CREB5: variants seen among roughly 807,000 people sequenced by gnomAD.
CREB5 encodes the protein cyclic AMP-responsive element-binding protein 5.
CREB5 carries 19 observed loss-of-function variants against 57.1 expected under a neutral mutation model. The observed-to-expected ratio is 0.33, with a 90% CI of 0.23 to 0.49. The LOEUF (loss-of-function observed/expected upper bound fraction) is 0.49, where lower values mean the gene tolerates loss of function less well. Ranked by LOEUF, CREB5 falls within the 20% of genes least tolerant of loss-of-function variation. The pLI is 0.99. For missense variants in CREB5, 579 were observed against 671.6 expected, an observed-to-expected ratio of 0.86 and a Z score of 1.52; for synonymous variants, 238 against 238.3, an observed-to-expected ratio of 1.00 and a Z score of 0.01.
intron 4 of CREB5, among the ~76,000 whole-genome samples, chr7:28,560,898 G>GCGCGTGCA (rs1491568528): frequency 6.1e-4 from 18 of 29,370 alleles, no homozygotes; most frequent in African/African-American, 2.3e-3. Flanking sequence ...GTGTGTGTGC[G>GCGCGTGCA]TGCGCGCGTG....
chr7:28,560,218 A>G (rs1451165801), intron 4 of CREB5, among the ~76,000 whole-genome samples: 1 of 152,224 alleles, frequency 6.6e-6, no homozygotes, highest in Non-Finnish European at 1.5e-5. Flanking sequence ...AGCTAGGCAG[A>G]GAGAAGGAGA....
At chr7:28,615,153 G>A (rs913620916) in intron 5 of CREB5, 3 of 152,304 alleles carry the variant, frequency 2.0e-5, no homozygotes, top group African/African-American at 4.8e-5. Flanking sequence ...TGAGTCTTTA[G>A]GAGTTGGTCA....
intron 1 of CREB5, among the ~76,000 whole-genome samples, chr7:28,348,408 T>TCTCTCACACACACACA (rs1376338798): frequency 1.4e-3 from 165 of 118,238 alleles, no homozygotes; most frequent in African/African-American, 4.9e-3. Flanking sequence ...TCTCTCTCTC[T>TCTCTCACACACACACA]CACACACACA....
Position 28,620,715 on chromosome 7 carries a change from C to T in CREB5, c.464+50178C>T, listed in dbSNP as rs145670486. Among the ~76,000 whole-genome samples, 21 of 152,232 alleles carry T rather than the reference C, an allele frequency of 1.4e-4. No individual in the cohort carries two copies. The South Asian group carries it at 3.9e-3, about 29-fold the overall frequency. ...AGAGCCGCTACGGTCAAAGAGGAGG[C>T]GGCCACGAATTGACCTGAATTCAGT... On this transcript the variant is annotated intron_variant, in intron 5 of 10. Coordinates refer to ENST00000357727, the MANE Select transcript of CREB5 (RefSeq NM_182898.4).
At chr7:28,729,146 G>A (rs576113644) in intron 7 of CREB5, among the ~76,000 whole-genome samples, 1 of 152,308 alleles carries the variant, frequency 6.6e-6, no homozygotes, top group Non-Finnish European at 1.5e-5. Flanking sequence ...CTAAAAGGAT[G>A]AGAAAGACAA....
chr7:28,349,530 T>A (rs187587282), intron 1 of CREB5, among the ~76,000 whole-genome samples: 1 of 152,004 alleles, frequency 6.6e-6, no homozygotes, highest in Non-Finnish European at 1.5e-5. Flanking sequence ...TAGGGAGGTG[T>A]GAAATTTCAT....
intron 1 of CREB5, among the ~76,000 whole-genome samples, chr7:28,362,233 A>C (rs796536261): frequency 9.8e-5 from 15 of 152,334 alleles, no homozygotes; most frequent in African/African-American, 3.6e-4. Flanking sequence ...CCATCTGGGA[A>C]TAGTCCAGCC....
At chr7:28,798,489 CTT>C (rs1406474067) in intron 7 of CREB5, among the ~76,000 whole-genome samples, 1 of 152,192 alleles carries the variant, frequency 6.6e-6, no homozygotes, top group Non-Finnish European at 1.5e-5. Context: ...ATGATGCAAA[CTT>C]GAGCTAAACG....
intron 2 of CREB5, among the ~76,000 whole-genome samples, chr7:28,489,523 G>A (rs1315460276): frequency 6.6e-6 from 1 of 151,864 alleles, no homozygotes; most frequent in Non-Finnish European, 1.5e-5. Flanking sequence ...GTATGGTCTC[G>A]ATCTCCTGAC....
At chr7:28,559,744 A>G (rs1004002328) in intron 4 of CREB5, among the ~76,000 whole-genome samples, 4 of 152,232 alleles carry the variant, frequency 2.6e-5, no homozygotes, top group African/African-American at 4.8e-5. Flanking sequence ...TCATTTATCT[A>G]TCCAACCAAT....
At chr7:28,355,588 T>C (rs1786323386) in intron 1 of CREB5, among the ~76,000 whole-genome samples, 1 of 152,160 alleles carries the variant, frequency 6.6e-6, no homozygotes, top group Admixed American at 6.5e-5. Flanking sequence ...AGCCCTTTTA[T>C]TGAAATTCTA....
In CREB5 at chr7:28,486,117, G is replaced by A. The variant is rs192625658; in HGVS notation, c.4-2058G>A. Among the ~76,000 whole-genome samples, 439 of 152,178 alleles carry A rather than the reference G, an allele frequency of 2.9e-3. 1 individual carries two copies. The highest frequency in any genetic ancestry group is 4.5e-3 in the Admixed American group (68 of 15,276). On this transcript the variant is annotated intron_variant, in intron 1 of 10. Coordinates refer to ENST00000357727, the MANE Select transcript of CREB5 (RefSeq NM_182898.4). The stretch of plus-strand genomic sequence containing the variant: ...GCCAAATGGAGAGTGAAAATGCATC[G>A]CTCTGTGAAAGCTGGATAATTGTGA...
chr7:28,782,830 G>T (rs913614526), intron 7 of CREB5, among the ~76,000 whole-genome samples: 2 of 152,186 alleles, frequency 1.3e-5, no homozygotes, highest in Non-Finnish European at 2.9e-5. Flanking sequence ...GACAGCACAG[G>T]CTCTTTGATA....
intron 5 of CREB5, among the ~76,000 whole-genome samples, chr7:28,575,616 G>T (rs551694961): frequency 6.6e-6 from 1 of 152,158 alleles, no homozygotes; most frequent in East Asian, 1.9e-4. Flanking sequence ...GCTTGTCACT[G>T]GTCCTCAGCC....
At chr7:28,671,402 G>A (rs572833700) in intron 5 of CREB5, among the ~76,000 whole-genome samples, 23 of 151,836 alleles carry the variant, frequency 1.5e-4, no homozygotes, top group Non-Finnish European at 1.8e-4. Context: ...TTCTCTTATC[G>A]CTTGCTTTAG....
At chr7:28,778,890 T>G (rs992622982) in intron 7 of CREB5, 1 of 152,220 alleles carries the variant, frequency 6.6e-6, no homozygotes, top group African/African-American at 2.4e-5. Context: ...TCACGTATTT[T>G]TATAGATTTT....
chr7:28,578,698 A>G (rs919313467), intron 5 of CREB5, among the ~76,000 whole-genome samples: 4 of 152,236 alleles, frequency 2.6e-5, no homozygotes, highest in Non-Finnish European at 5.9e-5. Flanking sequence ...ATTTGGAGAT[A>G]GCCTATGATG....
intron 5 of CREB5, among the ~76,000 whole-genome samples, chr7:28,577,837 C>G (rs972956749): frequency 6.6e-6 from 1 of 152,176 alleles, no homozygotes; most frequent in African/African-American, 2.4e-5. Flanking sequence ...TCTCTGGGGA[C>G]TCAGTGCTGC....
chr7:28,788,170 G>T lies in CREB5; in HGVS notation c.703-16029G>T, dbSNP rs143522633. Among the ~76,000 whole-genome samples, 370 of 152,238 alleles carry T rather than the reference G, an allele frequency of 2.4e-3. 3 individuals carry two copies. The highest frequency in any genetic ancestry group is 0.02 in the South Asian group (95 of 4,818). On this transcript the variant is annotated intron_variant, in intron 7 of 10. Transcript: ENST00000357727. ...TAATTATTTGCTGTGGGGCGAGGGG[G>T]CTGGTAGTCTGTCCGGTACATTGTA...
Sources: gnomAD v4.1 joint callset for allele counts (sites outside exome capture counted in the v4.1 genomes callset) on GRCh38, gnomAD v4.1.1 for gene constraint, MANE v1.5 for transcripts, NCBI Gene and HGNC (gene_info 2026-07-23, HGNC 2026-07-21) for gene names.